TTLL6: variants seen among roughly 807,000 people sequenced by gnomAD.
TTLL6 encodes tubulin tyrosine ligase like 6.
TTLL6 carries 75 observed loss-of-function variants against 96.4 expected under a neutral mutation model. The ratio of observed to expected loss-of-function variants is 0.78; its 90% confidence interval spans 0.65 to 0.94. The LOEUF is 0.94. Among genes scored for constraint, TTLL6 ranks in the 40% least tolerant of loss-of-function variants. TTLL6 has a pLI of 0.00. For missense variants in TTLL6, 1,030 were observed against 1,093.0 expected (o/e 0.94, Z 0.81); for synonymous variants, 411 against 419.4 (o/e 0.98, Z 0.24).
chr17:48,810,826 T>TAC (rs2039576713), intron 1 of TTLL6, among the ~76,000 whole-genome samples: 1 of 11,372 alleles, frequency 8.8e-5, no homozygotes, highest in Non-Finnish European at 1.5e-4. Flanking sequence ...TATGTGTGTG[T>TAC]ATATATATAT....
At chr17:48,785,684 T>C (rs996976633) in intron 12 of TTLL6, among the ~76,000 whole-genome samples, 4 of 152,116 alleles carry the variant, frequency 2.6e-5, no homozygotes, top group Non-Finnish European at 4.4e-5. Flanking sequence ...GTCCACGCTT[T>C]GCATAGAGGA....
chr17:48,768,593 A>G (rs1597955942), intron 15 of TTLL6, among the ~76,000 whole-genome samples: 1 of 142,640 alleles, frequency 7.0e-6, no homozygotes, highest in Non-Finnish European at 1.5e-5. Context: ...GTTTGTAGAG[A>G]CAGGGTCTTG....
chr17:48,768,120 G>A (rs893498661), intron 15 of TTLL6, among the ~76,000 whole-genome samples: 1 of 152,068 alleles, frequency 6.6e-6, no homozygotes, highest in African/African-American at 2.4e-5. Flanking sequence ...TTTGGAGACA[G>A]AGTGCTGCTC....
intron 13 of TTLL6, among the ~76,000 whole-genome samples, chr17:48,777,924 A>G (rs1417636666): frequency 1.3e-5 from 2 of 151,992 alleles, no homozygotes; most frequent in African/African-American, 4.8e-5. Context: ...AAGAAAAAAC[A>G]TAGGAGAACA....
Position 48,762,719 on chromosome 17 carries a change from G to A in TTLL6, c.*255C>T. 1 of 278,242 alleles carries A rather than the reference G, an allele frequency of 3.6e-6. No individual in the cohort carries two copies. Among genetic ancestry groups the A allele is most frequent in the Non-Finnish European group, 7.1e-6 (1 of 141,116 alleles). 17.2% of individuals were successfully genotyped at this position (278,242 alleles called of 1,614,324 possible). A position where few individuals can be genotyped will look rare whatever the true frequency, so the allele number is the denominator to read the frequency against. On this transcript the variant is annotated 3_prime_UTR_variant, in exon 16 of 16. Coordinates refer to ENST00000393382, the MANE Select transcript of TTLL6 (RefSeq NM_001130918.3). The stretch of plus-strand genomic sequence containing the variant: ...AAGTGCCACTGGTACGGCAACTGGA[G>A]TGTGTCCTGGGGCAGCACCAATCCA...
Position 48,796,152 on chromosome 17 carries a change from G to A in TTLL6, c.913-6C>T, listed in dbSNP as rs979270956. 1.0e-5 allele frequency: 16 copies of A among 1,550,236 alleles called. No homozygotes were observed. The highest frequency in any genetic ancestry group is 4.8e-5 in the South Asian group (4 of 83,856). ...AGGTGCATGCAGATATCATCCTGGG[G>A]AAAAAGACACACATCTGTCGGGTCA... On this transcript the variant is annotated splice_region_variant and splice_polypyrimidine_tract_variant and intron_variant, in intron 7 of 15. Coordinates refer to ENST00000393382, the MANE Select transcript of TTLL6 (RefSeq NM_001130918.3).
chr17:48,789,846 T>C (rs1223420755), intron 10 of TTLL6, 85 bp downstream of exon 10: 3 of 1,446,954 alleles, frequency 2.1e-6, no homozygotes, highest in Admixed American at 2.2e-5. Context: ...TGTGAGCCAC[T>C]GCACCCGGCC....
At chr17:48,796,173 G>T in intron 7 of TTLL6, 27 bp from the exon 8 acceptor site, 1 of 1,538,846 alleles carries the variant, frequency 6.5e-7, no homozygotes, top group Non-Finnish European at 8.8e-7. Context: ...ACATCTGTCG[G>T]GTCAGCTCGG....
At chr17:48,804,717 A>G (rs538320074) in intron 2 of TTLL6, 55 bp downstream of exon 2, 9 of 1,470,826 alleles carry the variant, frequency 6.1e-6, no homozygotes, top group Non-Finnish European at 8.4e-6. Context: ...CTTCCCTCCA[A>G]GTCCTTCCTG....
Position 48,791,423 on chromosome 17 carries a change from G to A in TTLL6, c.1179C>T (p.Gly393=). 1 of 1,614,202 alleles carries A rather than the reference G, an allele frequency of 6.2e-7. No individual in the cohort carries two copies. The highest frequency in any genetic ancestry group is 8.5e-7 in the Non-Finnish European group (1 of 1,180,036). The change falls in exon 9 of 16, where the codon GGC becomes GGT. Residue 393 remains glycine, a synonymous_variant. Transcript: ENST00000393382. ...GTTTGTGGTCCAACAAAATGTCAAA[G>A]CCCAGGATCTCAAAGCAGGCGCTGT... ...TLNSACFEIL[G]FDILLDHKLK... is the part of the protein sequence containing the mutation.
chr17:48,770,689 T>C (rs1220607444), intron 13 of TTLL6, among the ~76,000 whole-genome samples: 1 of 151,624 alleles, frequency 6.6e-6, no homozygotes, highest in African/African-American at 2.4e-5. Context: ...GCTTTTGTAT[T>C]TTCTGTAGAG....
At chr17:48,790,172 G>A in intron 9 of TTLL6, 66 bp from the exon 10 acceptor site, 1 of 1,566,608 alleles carries the variant, frequency 6.4e-7, no homozygotes, top group Non-Finnish European at 8.7e-7. Flanking sequence ...GTGAGGCCGA[G>A]GTGCCACCTC....
chr17:48,779,270 C>A (rs1372363895), intron 13 of TTLL6, among the ~76,000 whole-genome samples: 1 of 140,960 alleles, frequency 7.1e-6, no homozygotes, highest in East Asian at 2.1e-4. Flanking sequence ...ATGAGAATTG[C>A]TTGAACCCGG....
chr17:48,774,861 C>T (rs2038839541), intron 13 of TTLL6, among the ~76,000 whole-genome samples: 2 of 151,982 alleles, frequency 1.3e-5, no homozygotes, highest in South Asian at 4.1e-4. Flanking sequence ...CACCAGGCAC[C>T]ATGGCTCATG....
At chr17:48,804,662 A>G in intron 2 of TTLL6, 110 bp downstream of exon 2, 3 of 905,296 alleles carry the variant, frequency 3.3e-6, no homozygotes, top group Admixed American at 4.4e-5. Flanking sequence ...TGACAGTCTC[A>G]GCACACAGTT....
intron 15 of TTLL6, among the ~76,000 whole-genome samples, chr17:48,764,142 A>C (rs2038546597): frequency 6.6e-6 from 1 of 152,122 alleles, no homozygotes; most frequent in Non-Finnish European, 1.5e-5. Context: ...ACTCAAAAAA[A>C]AAAGGAAGAT....
chr17:48,772,497 C>T (rs576076344), intron 13 of TTLL6, among the ~76,000 whole-genome samples: 39 of 151,898 alleles, frequency 2.6e-4, no homozygotes, highest in Admixed American at 5.2e-4. Context: ...TTTGGGAGGC[C>T]GAGGTGGGCG....
chr17:48,768,125 C>A (rs1567713210), intron 15 of TTLL6, among the ~76,000 whole-genome samples: 2 of 151,924 alleles, frequency 1.3e-5, no homozygotes, highest in Admixed American at 1.3e-4. Context: ...AGACAGAGTG[C>A]TGCTCTGTCA....
intron 3 of TTLL6, 75 bp from the exon 4 acceptor site, chr17:48,801,718 T>C (rs1228766566): frequency 2.3e-5 from 29 of 1,249,024 alleles, no homozygotes; most frequent in Non-Finnish European, 3.2e-5. Context: ...CATTACTAGG[T>C]GCTCCCAGAC....
Sources: allele counts gnomAD v4.1 joint callset (sites outside exome capture counted in the v4.1 genomes callset), GRCh38; gene constraint gnomAD v4.1.1; transcripts MANE v1.5; gene names NCBI Gene and HGNC (gene_info 2026-07-23, HGNC 2026-07-21).